MTMR6: variants seen among roughly 807,000 people sequenced by gnomAD.
MTMR6 encodes phosphatidylinositol-3,5-bisphosphate 3-phosphatase MTMR6.
Under a neutral mutation model 80.1 loss-of-function variants are expected in MTMR6, and 47 were observed. That is an observed-to-expected ratio of 0.59 (90% confidence interval 0.46 to 0.75). The LOEUF is 0.75. MTMR6 is among the 30% of genes least tolerant of loss of function. The probability of loss-of-function intolerance (pLI) is 0.00; values close to 1 mark genes in which losing one functional copy is unlikely to be tolerated. For synonymous variants in MTMR6, 254 were observed against 253.0 expected (o/e 1.00, Z -0.04); for missense variants, 629 against 730.9 (o/e 0.86, Z 1.61).
rs113526087 is a variant in MTMR6 at position 25,266,039 on chromosome 13, T to C, written c.462+90A>G. 2.6e-5 allele frequency: 42 copies of C among 1,593,508 alleles called. No individual in the cohort carries two copies. The African/African-American group carries it at 3.6e-4, about 14-fold the overall frequency. On this transcript the variant is annotated intron_variant, in intron 4 of 13. Coordinates refer to ENST00000381801, the MANE Select transcript of MTMR6 (RefSeq NM_004685.5). Reference sequence around the variant, plus strand: ...CCTTATTAAATGCAAGAACAGCACATTTCAGTACACAGACAACTTGCTACG... The same window carrying C: ...CCTTATTAAATGCAAGAACAGCACACTTCAGTACACAGACAACTTGCTACG...
At chr13:25,271,109 C>G (rs1041412667) in intron 2 of MTMR6, among the ~76,000 whole-genome samples, 2 of 152,098 alleles carry the variant, frequency 1.3e-5, no homozygotes, top group African/African-American at 2.4e-5. Context: ...TCCTCCCCCC[C>G]TTCCTTACTT....
intron 5 of MTMR6, among the ~76,000 whole-genome samples, chr13:25,264,230 G>A (rs1167782791): frequency 6.6e-6 from 1 of 150,760 alleles, no homozygotes. Flanking sequence ...GACACAGACT[G>A]GAGATGAGGT....
chr13:25,270,467 C>A (rs1056109758), intron 2 of MTMR6, among the ~76,000 whole-genome samples: 2 of 152,100 alleles, frequency 1.3e-5, no homozygotes, highest in African/African-American at 4.8e-5. Context: ...TGTTGCCCCT[C>A]AAACTACATT....
chr13:25,270,377 G>A (rs933925595), intron 2 of MTMR6, among the ~76,000 whole-genome samples: 21 of 152,084 alleles, frequency 1.4e-4, no homozygotes, highest in Non-Finnish European at 2.8e-4. Flanking sequence ...TTCATTTAGG[G>A]CAAACATAAG....
Position 25,287,283 on chromosome 13 carries a change from G to A in MTMR6, c.-36C>T, listed in dbSNP as rs750125089. On this transcript the variant is annotated 5_prime_UTR_variant, in exon 1 of 14. Transcript: ENST00000381801. The stretch of plus-strand genomic sequence containing the variant: ...CGTCAGCCGGCAGCCGGTCTCACAG[G>A]CGTACCATACGGCTACAGAAACAGG... The A allele has an allele frequency of 1.1e-5, 18 of 1,582,730 alleles. No homozygotes were observed. Among genetic ancestry groups the A allele is most frequent in the Non-Finnish European group, 1.5e-5 (17 of 1,167,676 alleles).
chr13:25,264,335 C>T (rs1013780618), intron 5 of MTMR6, among the ~76,000 whole-genome samples: 1 of 151,582 alleles, frequency 6.6e-6, no homozygotes, highest in Non-Finnish European at 1.5e-5. Context: ...GCCCAATTGT[C>T]AACTAATAAA....
At chr13:25,266,104 T>C (rs1957448250) in intron 4 of MTMR6, 25 bp downstream of exon 4, 3 of 1,611,066 alleles carry the variant, frequency 1.9e-6, no homozygotes, top group African/African-American at 1.3e-5. Context: ...ACTTTCTGAA[T>C]TTCTCCAAAA....
intron 1 of MTMR6, among the ~76,000 whole-genome samples, chr13:25,274,953 C>CACAT (rs1566042692): frequency 3.9e-5 from 5 of 128,300 alleles, no homozygotes; most frequent in African/African-American, 1.4e-4. Flanking sequence ...CACACACACA[C>CACAT]ACACACATAC....
Position 25,246,519 on chromosome 13 carries a change from T to C in MTMR6, c.*2713A>G, listed in dbSNP as rs1489893925. ...TGAAGATCAGCGTCACTAATAAAAG[T>C]CTGCAACTGTAGTATTAGGTTGGTG... On this transcript the variant is annotated 3_prime_UTR_variant, in exon 14 of 14. Transcript: ENST00000381801. 1 of 152,764 alleles carries C rather than the reference T, an allele frequency of 6.5e-6. No individual in the cohort carries two copies. The highest frequency in any genetic ancestry group is 2.1e-4 in the South Asian group (1 of 4,830). 9.5% of individuals were successfully genotyped at this position (152,764 alleles called of 1,614,324 possible). A position where few individuals can be genotyped will look rare whatever the true frequency, so the allele number is the denominator to read the frequency against.
chr13:25,257,983 T>TTA (rs1042279729), intron 7 of MTMR6, 138 bp from the exon 8 acceptor site: 12 of 522,166 alleles, frequency 2.3e-5, no homozygotes, highest in Non-Finnish European at 3.5e-5. Flanking sequence ...AAAGATGCTA[T>TTA]TAAAAGCTCA....
intron 9 of MTMR6, among the ~76,000 whole-genome samples, 170 bp from the exon 10 acceptor site, chr13:25,254,604 G>A (rs970072016): frequency 2.0e-5 from 3 of 152,046 alleles, no homozygotes; most frequent in African/African-American, 7.2e-5. Context: ...ATTCGAGGTG[G>A]GGTTAAAGAA....
In MTMR6 at chr13:25,274,358, C is replaced by T. The variant is rs115978517; in HGVS notation, c.25-171G>A. Among the ~76,000 whole-genome samples, 944 of 152,036 alleles carry T rather than the reference C, an allele frequency of 6.2e-3. 17 individuals carry two copies. The highest frequency in any genetic ancestry group is 0.022 in the African/African-American group (897 of 41,452). On this transcript the variant is annotated intron_variant, in intron 1 of 13. Coordinates refer to ENST00000381801, the MANE Select transcript of MTMR6 (RefSeq NM_004685.5). ...ATATCTTTTTGGGGAATGTATAAGC[C>T]ACAAATAACATAGAGATTATTTACA...
chr13:25,287,110 G>C, intron 1 of MTMR6, 114 bp downstream of exon 1: 10 of 1,458,280 alleles, frequency 6.9e-6, no homozygotes, highest in Non-Finnish European at 9.3e-6. Context: ...CCCGGGCCGG[G>C]TCTCCGCCGG....
chr13:25,261,696 T>TA lies in MTMR6; in HGVS notation c.697dup (p.Tyr233LeufsTer24). 1 of 1,613,600 alleles carries TA rather than the reference T, an allele frequency of 6.2e-7. No homozygotes were observed. The highest frequency in any genetic ancestry group is 1.7e-5 in the Admixed American group (1 of 59,956). ...TGGCCTGGTATCCATGACGTACATA[T>TA]AGCGATTGACTGGATTGGCTTTACT... On this transcript the variant is annotated frameshift_variant, in exon 6 of 14. Transcript: ENST00000381801. LOFTEE classifies it high-confidence loss of function.
rs770697904 is a variant in MTMR6, at chr13:25,274,194, G to GA, written c.25-8dup. 3 of 1,540,348 alleles carry GA rather than the reference G, an allele frequency of 1.9e-6. No homozygotes were observed. The highest frequency in any genetic ancestry group is 2.7e-6 in the Non-Finnish European group (3 of 1,123,760). On this transcript the variant is annotated splice_region_variant and splice_polypyrimidine_tract_variant and intron_variant, in intron 1 of 13. Transcript: ENST00000381801. ...GTAATTTTACTTGTTCGACCTAAAA[G>GA]AAAAAAAGATATTATTTCTCATTTC... is the stretch of plus-strand genomic sequence containing the variant.
At position 25,246,914 on chromosome 13, in the gene MTMR6, G is replaced by A. The variant is rs1386744575; in HGVS notation, c.*2318C>T. ...ATTTACATCCAGATCTGCCTTTGGA[G>A]AGACATTTCACCTCGAATGTTTGTA... is the stretch of plus-strand genomic sequence containing the variant. On this transcript the variant is annotated 3_prime_UTR_variant, in exon 14 of 14. Coordinates refer to ENST00000381801, the MANE Select transcript of MTMR6 (RefSeq NM_004685.5). The A allele has an allele frequency of 2.0e-5, 3 of 152,232 alleles. No homozygotes were observed. Among genetic ancestry groups the A allele is most frequent in the African/African-American group, 7.2e-5 (3 of 41,544 alleles). The allele number at this position is 152,232 out of a possible 1,614,324, so 9.4% of individuals were successfully genotyped here.
At chr13:25,278,418 C>T (rs1452612241) in intron 1 of MTMR6, among the ~76,000 whole-genome samples, 1 of 152,114 alleles carries the variant, frequency 6.6e-6, no homozygotes. Flanking sequence ...CATGGCGAAA[C>T]CCTGCTTTAC....
At chr13:25,264,505 A>G (rs1402614111) in intron 5 of MTMR6, among the ~76,000 whole-genome samples, 1 of 152,074 alleles carries the variant, frequency 6.6e-6, no homozygotes, top group Non-Finnish European at 1.5e-5. Flanking sequence ...CTGTAATCTT[A>G]GCACTTTGGG....
intron 6 of MTMR6, among the ~76,000 whole-genome samples, chr13:25,259,364 T>A (rs1802075526): frequency 6.6e-6 from 1 of 152,386 alleles, no homozygotes; most frequent in Middle Eastern, 3.4e-3. Context: ...GGATTTGTCA[T>A]GCTTAATTCT....
Sources: allele counts gnomAD v4.1 joint callset (sites outside exome capture counted in the v4.1 genomes callset), GRCh38; gene constraint gnomAD v4.1.1; transcripts MANE v1.5; gene names NCBI Gene and HGNC (gene_info 2026-07-23, HGNC 2026-07-21).